Variants in TBCD observed in about 807,000 individuals in gnomAD.
The protein encoded by TBCD is tubulin-specific chaperone D.
In TBCD, 105 loss-of-function variants were observed where a neutral mutation model predicts 169.3. That is an observed-to-expected ratio of 0.62 (90% CI 0.53 to 0.73). The LOEUF (loss-of-function observed/expected upper bound fraction) is 0.73, where lower values mean the gene tolerates loss of function less well. TBCD is among the 30% of genes least tolerant of loss of function. The pLI, the probability that TBCD is intolerant of heterozygous loss-of-function variation, is 0.00. For missense variants in TBCD, 1,444 were observed against 1,600.1 expected (o/e 0.90, Z 1.66); for synonymous variants, 700 against 643.9 (o/e 1.09, Z -1.32).
chr17:82,870,666 C>T (rs373046319), intron 14 of TBCD, among the ~76,000 whole-genome samples: 15 of 152,102 alleles, frequency 9.9e-5, no homozygotes, highest in Non-Finnish European at 1.5e-4. Context: ...TGTGGAGGAA[C>T]ATTCCGGAGG....
chr17:82,820,393 G>A (rs2052317672), intron 13 of TBCD, among the ~76,000 whole-genome samples: 1 of 152,210 alleles, frequency 6.6e-6, no homozygotes, highest in Non-Finnish European at 1.5e-5. Flanking sequence ...TGGACATTTT[G>A]TATGAACCCT....
At chr17:82,917,019 C>CCT (rs2061088028) in intron 23 of TBCD, among the ~76,000 whole-genome samples, 1 of 108,518 alleles carries the variant, frequency 9.2e-6, no homozygotes, top group African/African-American at 3.4e-5. Flanking sequence ...TTTTTCTTTT[C>CCT]TTTTCTTTTT....
chr17:82,753,748 C>T (rs117897974), intron 1 of TBCD, among the ~76,000 whole-genome samples: 3,269 of 151,688 alleles, frequency 0.022, 48 homozygotes, highest in South Asian at 0.065. Flanking sequence ...CCACTGCGCT[C>T]GGCCCCAGTG....
chr17:82,884,250 G>T lies in TBCD; in HGVS notation c.1533+48G>T, dbSNP rs879167459. 6.5e-7 allele frequency: 1 copy of T among 1,530,172 alleles called. No homozygotes were observed. The allele number at this position is 1,530,172 out of a possible 1,614,324, so 94.8% of individuals were successfully genotyped here. ...TTCCTTTCCTGAAGGTGGGGGGTGGGCCTGGTCTCCCTGATGCTCCTCTGT... is the reference window on the plus strand; with the variant it reads ...TTCCTTTCCTGAAGGTGGGGGGTGGTCCTGGTCTCCCTGATGCTCCTCTGT... On this transcript the variant is annotated intron_variant, in intron 15 of 38. Transcript: ENST00000355528. This position sits in a 1 kb window ranked among gnomAD's most constrained non-coding sequence, Gnocchi z 4.2.
chr17:82,784,531 A>G (rs981376598), intron 7 of TBCD, among the ~76,000 whole-genome samples: 1 of 152,190 alleles, frequency 6.6e-6, no homozygotes, highest in Admixed American at 6.5e-5. Flanking sequence ...ATGGATCCTC[A>G]GGGAATGTGC....
chr17:82,828,798 CAT>C (rs1431872674), intron 13 of TBCD, among the ~76,000 whole-genome samples: 4 of 151,802 alleles, frequency 2.6e-5, no homozygotes, highest in Non-Finnish European at 5.9e-5. Context: ...CAGATATGCA[CAT>C]GTGCACACCC....
chr17:82,771,501 C>T (rs118146173), intron 5 of TBCD, among the ~76,000 whole-genome samples: 14,349 of 151,880 alleles, frequency 0.094, 949 homozygotes, highest in South Asian at 0.29. Flanking sequence ...TCACTGCAGC[C>T]TCTGCCTTTG....
chr17:82,863,351 T>G (rs1249179127), intron 13 of TBCD, among the ~76,000 whole-genome samples: 2 of 152,130 alleles, frequency 1.3e-5, no homozygotes, highest in Non-Finnish European at 2.9e-5. Flanking sequence ...GGACGCAGCG[T>G]GGAGGCCAAG....
At chr17:82,781,904 G>T (rs936580909) in intron 7 of TBCD, among the ~76,000 whole-genome samples, 183 bp downstream of exon 7, 8 of 152,224 alleles carry the variant, frequency 5.3e-5, no homozygotes, top group Non-Finnish European at 1.2e-4. Flanking sequence ...CTCAGGCAGG[G>T]CTGGTTTCTG....
chr17:82,766,467 CATTTT>C (rs1397510119), intron 4 of TBCD, 99 bp downstream of exon 4: 51 of 702,898 alleles, frequency 7.3e-5, no homozygotes, highest in Non-Finnish European at 1.2e-4. Flanking sequence ...CTGTTTCTTT[CATTTT>C]ATCTCCCTTT....
Position 82,789,196 on chromosome 17 carries a change from C to T in TBCD, c.771+7475C>T, listed in dbSNP as rs767392395. Among the ~76,000 whole-genome samples the T allele has an allele frequency of 5.9e-5, 9 of 152,166 alleles. No individual in the cohort carries two copies. Among genetic ancestry groups the T allele is most frequent in the African/African-American group, 1.2e-4 (5 of 41,432 alleles). On this transcript the variant is annotated intron_variant, in intron 7 of 38. Transcript: ENST00000355528. The surrounding 1 kb of genome is among the most constrained non-coding windows in gnomAD (Gnocchi z 4.8). ...CCAGGCCACGCTGGTTCGGTCTCCTCGTGGCGTTAAGGAAAGACCTGGAGC... is the reference window on the plus strand; with the variant it reads ...CCAGGCCACGCTGGTTCGGTCTCCTTGTGGCGTTAAGGAAAGACCTGGAGC...
At chr17:82,756,515 C>G (rs1033116944) in intron 2 of TBCD, among the ~76,000 whole-genome samples, 1 of 151,990 alleles carries the variant, frequency 6.6e-6, no homozygotes, top group African/African-American at 2.4e-5. Flanking sequence ...GAGTCTCGCT[C>G]TGTCTCCAGG....
In TBCD at chr17:82,850,165, T is replaced by TG. The variant is rs1350441865; in HGVS notation, c.1319-20058dup. Among the ~76,000 whole-genome samples the TG allele has an allele frequency of 8.4e-5, 9 of 107,072 alleles. 2 individuals are homozygous for TG. Among genetic ancestry groups the TG allele is most frequent in the Admixed American group, 2.7e-4 (3 of 10,990 alleles). The allele number at this position is 107,072 out of a possible 152,430, so 70.2% of individuals were successfully genotyped here. Reference sequence around the variant, plus strand: ...GTGCTGTTGTTGGCTGTGCTGTTGTTGCCTGTGCTGCTGTTGGCTGTGCTG... The same window carrying TG: ...GTGCTGTTGTTGGCTGTGCTGTTGTTGGCCTGTGCTGCTGTTGGCTGTGCTG... On this transcript the variant is annotated intron_variant, in intron 13 of 38. Coordinates refer to ENST00000355528, the MANE Select transcript of TBCD (RefSeq NM_005993.5).
Position 82,921,525 on chromosome 17 carries a change from A to G in TBCD, c.2126A>G (p.Asp709Gly). Residue 709 changes from aspartate to glycine, a missense_variant, in exon 25 of 39, where the codon GAC becomes GGC. Asp to Gly is a moderately conservative substitution (Grantham distance 94, BLOSUM62 -1). Transcript: ENST00000355528. ...VIDGWQWLIN[D>G]TLRHLHLISS... ...GATGGTTGGCAATGGCTGATAAATG[A>G]CACTTTGAGACATCTCCATCTCATC... The G allele has an allele frequency of 6.2e-7, 1 of 1,614,058 alleles. No homozygotes were observed. The highest frequency in any genetic ancestry group is 2.2e-5 in the East Asian group (1 of 44,890).
chr17:82,884,080 G>C lies in TBCD; in HGVS notation c.1476-65G>C. 6.8e-7 allele frequency: 1 copy of C among 1,467,188 alleles called. No individual in the cohort carries two copies. The highest frequency in any genetic ancestry group is 9.3e-7 in the Non-Finnish European group (1 of 1,070,034). The allele number at this position is 1,467,188 out of a possible 1,614,324, so 90.9% of individuals were successfully genotyped here. A position where few individuals can be genotyped will look rare whatever the true frequency, so the allele number is the denominator to read the frequency against. On this transcript the variant is annotated intron_variant, in intron 14 of 38. Coordinates refer to ENST00000355528, the MANE Select transcript of TBCD (RefSeq NM_005993.5). The surrounding 1 kb of genome is among the most constrained non-coding windows in gnomAD (Gnocchi z 4.2). ...GTCGTGAGAGAAAGGCTTTCTCATC[G>C]ATACTGTGTGGTCTGTACTGTTTTG...
intron 13 of TBCD, chr17:82,839,777 T>C (rs1598844293): frequency 6.6e-6 from 1 of 152,246 alleles, no homozygotes; most frequent in East Asian, 1.9e-4. Context: ...ATCCCAGCCA[T>C]GCACCTGCTG....
At chr17:82,764,235 T>C (rs189668325) in intron 3 of TBCD, among the ~76,000 whole-genome samples, 173 bp downstream of exon 3, 3 of 152,348 alleles carry the variant, frequency 2.0e-5, no homozygotes, top group Admixed American at 1.3e-4. Context: ...TGATGTGGGC[T>C]CTTTGGCTGA....
chr17:82,924,164 G>C (rs2061582148), intron 26 of TBCD, among the ~76,000 whole-genome samples: 1 of 152,122 alleles, frequency 6.6e-6, no homozygotes, highest in African/African-American at 2.4e-5. Flanking sequence ...GCATTGGCCA[G>C]GCTGGAATCG....
chr17:82,775,886 T>A (rs1326165629), intron 6 of TBCD, among the ~76,000 whole-genome samples: 1 of 151,672 alleles, frequency 6.6e-6, no homozygotes, highest in Non-Finnish European at 1.5e-5. Context: ...AAACTTAAAG[T>A]ATAATAATAA....
Sources: allele counts gnomAD v4.1 joint callset (sites outside exome capture counted in the v4.1 genomes callset), GRCh38; gene constraint gnomAD v4.1.1; non-coding constraint Gnocchi (gnomAD v3.1); transcripts MANE v1.5; gene names NCBI Gene and HGNC (gene_info 2026-07-23, HGNC 2026-07-21).